Variants in ABI1 observed in about 807,000 individuals in gnomAD.
ABI1 encodes the protein abl interactor 1.
In ABI1, 14 loss-of-function variants were observed where a neutral mutation model predicts 54.6. That is an observed-to-expected ratio of 0.26 (90% CI 0.17 to 0.40). ABI1 has a LOEUF of 0.40. ABI1 is among the 10% of genes least tolerant of loss of function. The pLI is 1.00. For synonymous variants in ABI1, 194 were observed against 209.3 expected, an observed-to-expected ratio of 0.93 and a Z score of 0.63; for missense variants, 443 against 598.3, an observed-to-expected ratio of 0.74 and a Z score of 2.71.
intron 1 of ABI1, among the ~76,000 whole-genome samples, chr10:26,855,908 T>C (rs990339465): frequency 2.0e-5 from 3 of 148,024 alleles, no homozygotes; most frequent in Admixed American, 6.8e-5. Context: ...GAGGCGGAGA[T>C]TGCAGTGAGC....
intron 2 of ABI1, among the ~76,000 whole-genome samples, chr10:26,809,377 G>T (rs563115316): frequency 3.3e-5 from 5 of 151,308 alleles, no homozygotes; most frequent in Admixed American, 3.3e-4. Flanking sequence ...GGGAAACATA[G>T]TGAGACCCCA....
chr10:26,831,839 T>C lies in ABI1; in HGVS notation c.118-8534A>G, dbSNP rs183982957. Among the ~76,000 whole-genome samples, 10 of 152,326 alleles carry C rather than the reference T, an allele frequency of 6.6e-5. No homozygotes were observed. The East Asian group carries it at 1.9e-3, about 29-fold the overall frequency. ...ATATTAATAGCTGATGCTGTGAACTTCCCCTTACAAATAATGGAACATCTA... is the reference window on the plus strand; with the variant it reads ...ATATTAATAGCTGATGCTGTGAACTCCCCCTTACAAATAATGGAACATCTA... On this transcript the variant is annotated intron_variant, in intron 1 of 10. Transcript: ENST00000376140.
At chr10:26,826,726 C>T (rs1221658797) in intron 1 of ABI1, among the ~76,000 whole-genome samples, 1 of 152,200 alleles carries the variant, frequency 6.6e-6, no homozygotes, top group Non-Finnish European at 1.5e-5. Context: ...TCAGCACTTG[C>T]TGCTTTACCT....
At chr10:26,801,310 G>A (rs2046541359) in intron 2 of ABI1, among the ~76,000 whole-genome samples, 1 of 152,070 alleles carries the variant, frequency 6.6e-6, no homozygotes, top group Non-Finnish European at 1.5e-5. Flanking sequence ...CACTTTGGAG[G>A]CCAAGGCAGG....
At chr10:26,780,122 G>A (rs759830557) in intron 2 of ABI1, among the ~76,000 whole-genome samples, 20 of 152,268 alleles carry the variant, frequency 1.3e-4, no homozygotes, top group Middle Eastern at 3.4e-3. Context: ...GATCAAGCCC[G>A]TCAGCCAAAG....
chr10:26,809,545 G>A (rs547257641), intron 2 of ABI1, among the ~76,000 whole-genome samples: 5 of 151,986 alleles, frequency 3.3e-5, no homozygotes, highest in East Asian at 1.9e-4. Flanking sequence ...GTGACAGAGC[G>A]AGACCCTATG....
chr10:26,780,144 C>T (rs1050790356), intron 2 of ABI1, among the ~76,000 whole-genome samples: 1 of 152,156 alleles, frequency 6.6e-6, no homozygotes, highest in Non-Finnish European at 1.5e-5. Context: ...GTATAAAACC[C>T]ATTTCCCCCA....
At chr10:26,752,975 A>G (rs527261032) in intron 9 of ABI1, among the ~76,000 whole-genome samples, 1 of 152,254 alleles carries the variant, frequency 6.6e-6, no homozygotes, top group African/African-American at 2.4e-5. Flanking sequence ...TCAAATGCCA[A>G]TTTCTGGGGC....
In ABI1 at chr10:26,748,539, A is replaced by G. The variant is rs1837194574; in HGVS notation, c.*31T>C. 1.3e-6 allele frequency: 2 copies of G among 1,525,882 alleles called. No homozygotes were observed. The highest frequency in any genetic ancestry group is 3.5e-5 in the Admixed American group (2 of 56,604). The allele number at this position is 1,525,882 out of a possible 1,614,324, so 94.5% of individuals were successfully genotyped here. On this transcript the variant is annotated 3_prime_UTR_variant, in exon 11 of 11. Transcript: ENST00000376140. ...AATAGTCCCACAGTATGACTGAGTA[A>G]TAAGAATCTACTTCAAAAGAAAAAA... is the stretch of plus-strand genomic sequence containing the variant.
chr10:26,770,424 T>TA (rs1840539813), intron 4 of ABI1, 79 bp from the exon 5 acceptor site: 1 of 1,305,686 alleles, frequency 7.7e-7, no homozygotes, highest in East Asian at 2.3e-5. Flanking sequence ...TTATTTTTTT[T>TA]AAATATCAGA....
chr10:26,773,994 C>T (rs548703868), intron 3 of ABI1, among the ~76,000 whole-genome samples: 50 of 152,248 alleles, frequency 3.3e-4, no homozygotes, highest in Admixed American at 3.1e-3. Flanking sequence ...AGCACACAAA[C>T]ACACAGTAAT....
intron 7 of ABI1, among the ~76,000 whole-genome samples, chr10:26,760,431 C>G (rs908018159): frequency 2.0e-5 from 3 of 152,196 alleles, no homozygotes; most frequent in African/African-American, 7.2e-5. Context: ...AAGAGAAGTG[C>G]TGATCTAACA....
intron 1 of ABI1, among the ~76,000 whole-genome samples, chr10:26,845,836 A>C (rs928704536): frequency 4.6e-5 from 7 of 152,142 alleles, no homozygotes; most frequent in African/African-American, 1.4e-4. Context: ...TGATGAGTTC[A>C]GGCACTGAAG....
intron 1 of ABI1, among the ~76,000 whole-genome samples, chr10:26,832,829 G>A (rs1196457552): frequency 6.6e-6 from 1 of 152,072 alleles, no homozygotes; most frequent in Non-Finnish European, 1.5e-5. Flanking sequence ...GGAAAAAAGA[G>A]CACATGGGCC....
intron 8 of ABI1, 36 bp downstream of exon 8, chr10:26,759,026 C>T (rs1417575437): frequency 6.3e-7 from 1 of 1,579,584 alleles, no homozygotes; most frequent in African/African-American, 1.4e-5. Flanking sequence ...AAAAGGAGCT[C>T]CACTGTTGCT....
intron 3 of ABI1, among the ~76,000 whole-genome samples, chr10:26,773,215 C>CTATTTTTTTTTTTTTTTTTTTTTTTTTTT (rs1554811140): frequency 1.1e-5 from 1 of 92,528 alleles, no homozygotes; most frequent in African/African-American, 4.5e-5. Context: ...AATGCTAATT[C>CTATTTTTTTTTTTTTTTTTTTTTTTTTTT]TTTTTTTTTT....
intron 1 of ABI1, among the ~76,000 whole-genome samples, chr10:26,846,370 T>A (rs1224723672): frequency 1.3e-5 from 2 of 148,980 alleles, no homozygotes; most frequent in Non-Finnish European, 3.0e-5. Context: ...TGAGGCAGAG[T>A]CTCACTCTGT....
chr10:26,797,692 T>C (rs1844370665), intron 2 of ABI1, among the ~76,000 whole-genome samples: 1 of 152,090 alleles, frequency 6.6e-6, no homozygotes, highest in African/African-American at 2.4e-5. Context: ...GTCAGAGCTG[T>C]AAACCAAGAC....
chr10:26,765,693 A>G (rs1369423499), intron 6 of ABI1, among the ~76,000 whole-genome samples: 3 of 103,406 alleles, frequency 2.9e-5, no homozygotes, highest in African/African-American at 7.9e-5. Flanking sequence ...TGGGAGGGAG[A>G]GTGGGAGGGA....
Sources: allele counts gnomAD v4.1 joint callset (sites outside exome capture counted in the v4.1 genomes callset), GRCh38; gene constraint gnomAD v4.1.1; transcripts MANE v1.5; gene names NCBI Gene and HGNC (gene_info 2026-07-23, HGNC 2026-07-21).